IER3IP1: variants seen among roughly 807,000 people sequenced by gnomAD.
IER3IP1 encodes the protein immediate early response 3-interacting protein 1.
A neutral mutation model predicts 12.2 loss-of-function variants in IER3IP1; 16 were observed. That is an observed-to-expected ratio of 1.31 (90% CI 0.89 to 1.99). The LOEUF (loss-of-function observed/expected upper bound fraction) is 1.99. IER3IP1 is among the 30% of genes most tolerant of loss of function. IER3IP1 has a pLI of 0.00. For missense variants in IER3IP1, 95 were observed against 95.8 expected (o/e 0.99, Z 0.03); for synonymous variants, 42 against 40.0 (o/e 1.05, Z -0.19).
chr18:47,162,921 A>G (rs1327248353), intron 1 of IER3IP1, among the ~76,000 whole-genome samples: 1 of 152,136 alleles, frequency 6.6e-6, no homozygotes, highest in African/African-American at 2.4e-5. Flanking sequence ...GCTATGAGCA[A>G]TATTCATAGT....
intron 1 of IER3IP1, among the ~76,000 whole-genome samples, chr18:47,175,586 C>T (rs1289958612): frequency 6.6e-6 from 1 of 152,166 alleles, no homozygotes; most frequent in East Asian, 1.9e-4. Flanking sequence ...GCCTCAGCCT[C>T]CCGCCCGGCT....
intron 1 of IER3IP1, among the ~76,000 whole-genome samples, chr18:47,173,681 G>A (rs1001325940): frequency 6.6e-6 from 1 of 152,130 alleles, no homozygotes; most frequent in Admixed American, 6.5e-5. Flanking sequence ...TCCTAGGGCT[G>A]CCATAACAAA....
intron 1 of IER3IP1, among the ~76,000 whole-genome samples, chr18:47,166,103 AT>A (rs58215449): frequency 2.5e-4 from 37 of 150,174 alleles, no homozygotes; most frequent in African/African-American, 4.9e-4. Context: ...ATTATGTGGC[AT>A]TTTTTTTTTC....
At chr18:47,158,347 GAC>G (rs1568070999) in intron 1 of IER3IP1, among the ~76,000 whole-genome samples, 1 of 151,846 alleles carries the variant, frequency 6.6e-6, no homozygotes, top group South Asian at 2.1e-4. Context: ...TTTAAATTGA[GAC>G]AAGGTTTTAC....
chr18:47,171,537 A>ATGTT (rs1416097913), intron 1 of IER3IP1, among the ~76,000 whole-genome samples: 1 of 152,152 alleles, frequency 6.6e-6, no homozygotes, highest in Non-Finnish European at 1.5e-5. Flanking sequence ...CTCTCTTTGT[A>ATGTT]TGTTATAGGT....
chr18:47,163,788 C>G (rs987740365), intron 1 of IER3IP1, among the ~76,000 whole-genome samples: 2 of 152,074 alleles, frequency 1.3e-5, no homozygotes, highest in Non-Finnish European at 2.9e-5. Context: ...AAAGAAAGCC[C>G]TCTGCAATTA....
At position 47,169,688 on chromosome 18, in the gene IER3IP1, T is replaced by C. The variant is rs12607719; in HGVS notation, c.91+6499A>G. ...TCTCATTATGGTTTCGGTTTGCACT[T>C]CTCTAATGATTAATAATGTTGACCA... On this transcript the variant is annotated intron_variant, in intron 1 of 2. Coordinates refer to ENST00000256433, the MANE Select transcript of IER3IP1 (RefSeq NM_016097.5). Among the ~76,000 whole-genome samples, 457 of 152,232 alleles carry C rather than the reference T, an allele frequency of 3.0e-3. 10 individuals carry two copies. The East Asian group carries it at 0.059, about 20-fold the overall frequency.
At chr18:47,158,332 T>C (rs1331179888) in intron 1 of IER3IP1, among the ~76,000 whole-genome samples, 1 of 151,732 alleles carries the variant, frequency 6.6e-6, no homozygotes, top group Non-Finnish European at 1.5e-5. Flanking sequence ...ATTTCTTTCT[T>C]TTTTTTTAAA....
intron 1 of IER3IP1, among the ~76,000 whole-genome samples, chr18:47,157,757 A>C (rs1459313033): frequency 6.6e-6 from 1 of 152,358 alleles, no homozygotes; most frequent in East Asian, 1.9e-4. Context: ...TGATTTTATA[A>C]AACAAACTAC....
intron 1 of IER3IP1, among the ~76,000 whole-genome samples, 162 bp downstream of exon 1, chr18:47,176,025 A>C (rs2064032052): frequency 6.6e-6 from 1 of 152,008 alleles, no homozygotes; most frequent in African/African-American, 2.4e-5. Context: ...CCGGCTGTTG[A>C]GCCCAAACCT....
intron 1 of IER3IP1, among the ~76,000 whole-genome samples, chr18:47,175,649 G>A (rs975706623): frequency 1.3e-5 from 2 of 152,022 alleles, no homozygotes; most frequent in Non-Finnish European, 2.9e-5. Flanking sequence ...TTTTAGTAGA[G>A]ACGGGGTTTT....
chr18:47,170,970 G>A (rs575489984), intron 1 of IER3IP1, among the ~76,000 whole-genome samples: 11 of 152,226 alleles, frequency 7.2e-5, no homozygotes, highest in Admixed American at 2.0e-4. Flanking sequence ...ATCAGGGAAC[G>A]AATTTAGTGT....
chr18:47,163,741 C>T (rs1417787191), intron 1 of IER3IP1, among the ~76,000 whole-genome samples: 1 of 152,134 alleles, frequency 6.6e-6, no homozygotes, highest in Non-Finnish European at 1.5e-5. Flanking sequence ...GAAAATCATA[C>T]ACATATTACT....
chr18:47,158,651 A>C (rs2063969432), intron 1 of IER3IP1, among the ~76,000 whole-genome samples: 2 of 151,736 alleles, frequency 1.3e-5, no homozygotes, highest in South Asian at 4.2e-4. Flanking sequence ...CGTTTTTAAA[A>C]GGGGAGTTAT....
intron 1 of IER3IP1, among the ~76,000 whole-genome samples, chr18:47,164,585 T>C (rs988265534): frequency 1.3e-5 from 2 of 151,858 alleles, no homozygotes; most frequent in African/African-American, 2.4e-5. Flanking sequence ...GGTGGGAAGA[T>C]TGCTTGAGCC....
intron 1 of IER3IP1, among the ~76,000 whole-genome samples, chr18:47,174,034 C>CTA (rs1032922975): frequency 6.6e-6 from 1 of 152,226 alleles, no homozygotes; most frequent in African/African-American, 2.4e-5. Context: ...TGCAAAGACT[C>CTA]TGTTTCCAAA....
chr18:47,157,800 G>A (rs905816422), intron 1 of IER3IP1, among the ~76,000 whole-genome samples: 1 of 152,128 alleles, frequency 6.6e-6, no homozygotes, highest in Non-Finnish European at 1.5e-5. Flanking sequence ...TTAATTTAGT[G>A]AAGATGATCT....
At chr18:47,157,189 G>A (rs1051863159) in intron 2 of IER3IP1, 1 of 497,054 alleles carries the variant, frequency 2.0e-6, no homozygotes, top group African/African-American at 2.0e-5. Context: ...AGCTCTGACA[G>A]GTAACACACA....
intron 1 of IER3IP1, among the ~76,000 whole-genome samples, chr18:47,175,653 G>A (rs2064030249): frequency 2.0e-5 from 3 of 152,010 alleles, no homozygotes; most frequent in Admixed American, 2.0e-4. Flanking sequence ...AGTAGAGACG[G>A]GGTTTTACCA....
Sources: gnomAD v4.1 joint callset for allele counts (sites outside exome capture counted in the v4.1 genomes callset) on GRCh38, gnomAD v4.1.1 for gene constraint, MANE v1.5 for transcripts, NCBI Gene and HGNC (gene_info 2026-07-23, HGNC 2026-07-21) for gene names.